The following ATP6V1G3 variants were observed in gnomAD, a reference collection of about 807,000 sequenced individuals.
ATP6V1G3 encodes the protein V-type proton ATPase subunit G 3.
A neutral mutation model predicts 9.3 loss-of-function variants in ATP6V1G3; 9 were observed. That is an observed-to-expected ratio of 0.97 (90% CI 0.59 to 1.69). The LOEUF is 1.69. Ranked by LOEUF, ATP6V1G3 falls within the 40% of genes most tolerant of loss-of-function variation. The probability of loss-of-function intolerance (pLI) is 0.00; values close to 1 mark genes in which losing one functional copy is unlikely to be tolerated. For synonymous variants in ATP6V1G3, 43 were observed against 43.8 expected, an observed-to-expected ratio of 0.98 and a Z score of 0.07; for missense variants, 133 against 139.0, an observed-to-expected ratio of 0.96 and a Z score of 0.22.
intron 1 of ATP6V1G3, among the ~76,000 whole-genome samples, chr1:198,535,503 T>C (rs552893121): frequency 1.1e-4 from 17 of 152,090 alleles, no homozygotes; most frequent in Non-Finnish European, 2.4e-4. Context: ...ATCTGATGTA[T>C]TATCTAGAAT....
chr1:198,536,708 G>T (rs546356184), intron 1 of ATP6V1G3: 2 of 1,606,326 alleles, frequency 1.2e-6, no homozygotes, highest in South Asian at 2.2e-5. Context: ...TTCGTTTTAG[G>T]AAAAGTAGAT....
intron 1 of ATP6V1G3, among the ~76,000 whole-genome samples, chr1:198,539,138 C>T (rs1660246883): frequency 6.6e-6 from 1 of 152,054 alleles, no homozygotes; most frequent in African/African-American, 2.4e-5. Context: ...GGAGTCATTC[C>T]TTTTATGTTG....
chr1:198,530,257 T>C (rs532575800), intron 1 of ATP6V1G3, among the ~76,000 whole-genome samples: 134 of 152,338 alleles, frequency 8.8e-4, no homozygotes, highest in Non-Finnish European at 1.7e-3. Context: ...TTTGTTATAT[T>C]GTAAAGACTT....
chr1:198,533,333 G>A (rs1188397931), intron 1 of ATP6V1G3, among the ~76,000 whole-genome samples: 3 of 151,814 alleles, frequency 2.0e-5, no homozygotes, highest in African/African-American at 7.3e-5. Flanking sequence ...TTTGGCTGGT[G>A]TGGTGAAAAT....
At chr1:198,533,171 G>A (rs1038195478) in intron 1 of ATP6V1G3, among the ~76,000 whole-genome samples, 2 of 152,028 alleles carry the variant, frequency 1.3e-5, no homozygotes, top group Non-Finnish European at 2.9e-5. Flanking sequence ...GGACATGGTG[G>A]TGCGTGCCTG....
chr1:198,540,422 T>G lies in ATP6V1G3; in HGVS notation c.82+147A>C, dbSNP rs878926139. The G allele has an allele frequency of 7.8e-4, 567 of 727,590 alleles. 3 individuals are homozygous for G. The highest frequency in any genetic ancestry group is 7.6e-4 in the East Asian group (29 of 38,002). The allele number at this position is 727,590 out of a possible 1,614,324, so 45.1% of individuals were successfully genotyped here. Reference sequence around the variant, plus strand: ...TAGAAATAAGGAACATATGGCTGGGTAATTTTAATGAATGGGTGAAGGTCT... The same window carrying G: ...TAGAAATAAGGAACATATGGCTGGGGAATTTTAATGAATGGGTGAAGGTCT... On this transcript the variant is annotated intron_variant, in intron 1 of 2. Transcript: ENST00000367382.
In ATP6V1G3 at chr1:198,540,555, C is replaced by T; in HGVS notation, c.82+14G>A. 1 of 1,611,202 alleles carries T rather than the reference C, an allele frequency of 6.2e-7. No individual in the cohort carries two copies. The highest frequency in any genetic ancestry group is 8.5e-7 in the Non-Finnish European group (1 of 1,177,376). ...TGTTTATTTCGTGACAGACCCCTCA[C>T]AGGTGAGACTTACTCTTCTTGGCTT... is the stretch of plus-strand genomic sequence containing the variant. On this transcript the variant is annotated intron_variant, in intron 1 of 2. Coordinates refer to ENST00000367382, the MANE Select transcript of ATP6V1G3 (RefSeq NM_001376861.1).
intron 2 of ATP6V1G3, among the ~76,000 whole-genome samples, chr1:198,526,824 A>G (rs1257816755): frequency 6.6e-6 from 1 of 152,186 alleles, no homozygotes; most frequent in African/African-American, 2.4e-5. Flanking sequence ...AACCATTTTC[A>G]GGTTTTCTAC....
chr1:198,523,997 AG>A (rs1194642441), intron 2 of ATP6V1G3, among the ~76,000 whole-genome samples: 1 of 152,166 alleles, frequency 6.6e-6, no homozygotes, highest in African/African-American at 2.4e-5. Context: ...AGTGTTTAAA[AG>A]TTTTAAACAG....
At chr1:198,538,724 C>T (rs1030450699) in intron 1 of ATP6V1G3, among the ~76,000 whole-genome samples, 12 of 124,888 alleles carry the variant, frequency 9.6e-5, no homozygotes, top group East Asian at 7.9e-4. Context: ...AACAACATGG[C>T]GAAACCCCGT....
chr1:198,540,098 G>T (rs1660286880), intron 1 of ATP6V1G3, among the ~76,000 whole-genome samples: 1 of 151,620 alleles, frequency 6.6e-6, no homozygotes, highest in Non-Finnish European at 1.5e-5. Context: ...TAGAAAATGA[G>T]AATAAAATGA....
chr1:198,533,177 G>T (rs988260440), intron 1 of ATP6V1G3, among the ~76,000 whole-genome samples: 1 of 151,932 alleles, frequency 6.6e-6, no homozygotes, highest in African/African-American at 2.4e-5. Flanking sequence ...GGTGGTGCGT[G>T]CCTGTAGTTC....
chr1:198,539,009 T>C (rs1184084631), intron 1 of ATP6V1G3, among the ~76,000 whole-genome samples: 3 of 152,146 alleles, frequency 2.0e-5, no homozygotes, highest in Non-Finnish European at 2.9e-5. Context: ...AAAACTACTC[T>C]ACATTCATAT....
intron 1 of ATP6V1G3, among the ~76,000 whole-genome samples, chr1:198,538,729 C>CA (rs67998860): frequency 1.5e-5 from 1 of 65,658 alleles, no homozygotes; most frequent in Non-Finnish European, 2.6e-5. Flanking sequence ...CATGGCGAAA[C>CA]CCCGTCTCTA....
In ATP6V1G3 at chr1:198,523,306, A is replaced by G; in HGVS notation, c.*85T>C. 7.4e-7 allele frequency: 1 copy of G among 1,344,336 alleles called. No homozygotes were observed. The highest frequency in any genetic ancestry group is 1.0e-6 in the Non-Finnish European group (1 of 977,938). The allele number at this position is 1,344,336 out of a possible 1,614,324, so 83.3% of individuals were successfully genotyped here. A position where few individuals can be genotyped will look rare whatever the true frequency, so the allele number is the denominator to read the frequency against. ...ATGTAAATTTAAGGTTCTCATTTCA[A>G]ATTTCTCAACATAAAAATACGAAGC... On this transcript the variant is annotated 3_prime_UTR_variant, in exon 3 of 3. Transcript: ENST00000367382.
chr1:198,535,999 A>ATTTT (rs79465930), intron 1 of ATP6V1G3, among the ~76,000 whole-genome samples: 2,280 of 151,204 alleles, frequency 0.015, 29 homozygotes, highest in Non-Finnish European at 0.021. Flanking sequence ...GAAAATTTAC[A>ATTTT]TTTTTTTTTG....
chr1:198,529,026 A>G, intron 2 of ATP6V1G3, 55 bp downstream of exon 2: 1 of 816,650 alleles, frequency 1.2e-6, no homozygotes, highest in Non-Finnish European at 1.9e-6. Flanking sequence ...AAACCTTATA[A>G]ATATGAAGAT....
At chr1:198,536,605 A>G (rs1660121556) in intron 1 of ATP6V1G3, 1 of 1,277,148 alleles carries the variant, frequency 7.8e-7, no homozygotes, top group Non-Finnish European at 1.1e-6. Context: ...AAAATGAGTG[A>G]GAGCTTTAAC....
Position 198,540,565 on chromosome 1 carries a change from T to G in ATP6V1G3, c.82+4A>C, listed in dbSNP as rs2103149040. ...GTGACAGACCCCTCACAGGTGAGAC[T>G]TACTCTTCTTGGCTTCCTCTAGCTT... On this transcript the variant is annotated splice_donor_region_variant and intron_variant, in intron 1 of 2. Coordinates refer to ENST00000367382, the MANE Select transcript of ATP6V1G3 (RefSeq NM_001376861.1). 6.2e-7 allele frequency: 1 copy of G among 1,612,092 alleles called. No homozygotes were observed. Among genetic ancestry groups the G allele is most frequent in the Middle Eastern group, 1.7e-4 (1 of 6,042 alleles).
Sources: gnomAD v4.1 joint callset for allele counts (sites outside exome capture counted in the v4.1 genomes callset) on GRCh38, gnomAD v4.1.1 for gene constraint, MANE v1.5 for transcripts, NCBI Gene and HGNC (gene_info 2026-07-23, HGNC 2026-07-21) for gene names.